The following COLEC11 variants were observed in gnomAD, a reference collection of about 807,000 sequenced individuals.
COLEC11 encodes the protein collectin-11.
Under a neutral mutation model 27.3 loss-of-function variants are expected in COLEC11, and 20 were observed. The ratio of observed to expected loss-of-function variants is 0.73; its 90% CI spans 0.51 to 1.06. The LOEUF is 1.06. Ranked by LOEUF, COLEC11 falls within the 50% of genes least tolerant of loss-of-function variation. COLEC11 has a pLI of 0.00. For missense variants in COLEC11, 310 were observed against 383.0 expected, an observed-to-expected ratio of 0.81 and a Z score of 1.59; for synonymous variants, 163 against 154.7, an observed-to-expected ratio of 1.05 and a Z score of -0.40.
Position 3,616,931 on chromosome 2 carries a change from C to T in COLEC11, c.202+3549C>T, listed in dbSNP as rs983283983. 2.4e-4 allele frequency among the ~76,000 whole-genome samples: 37 copies of T among 152,182 alleles called. 2 individuals are homozygous for T. The highest frequency in any genetic ancestry group is 8.9e-4 in the African/African-American group (37 of 41,438). On this transcript the variant is annotated intron_variant, in intron 3 of 6. Transcript: ENST00000349077. ...TTATATTTCAAGACTGAATAATATT[C>T]CGTTATATATGTGCCATGTTTTCTT...
chr2:3,634,582 A>G (rs1012850219), intron 3 of COLEC11, among the ~76,000 whole-genome samples: 1 of 152,202 alleles, frequency 6.6e-6, no homozygotes, highest in Non-Finnish European at 1.5e-5. Context: ...TGTTTGTTCC[A>G]GTTGCCCTTC....
intron 3 of COLEC11, among the ~76,000 whole-genome samples, chr2:3,628,686 C>T (rs1484232274): frequency 6.6e-6 from 1 of 152,232 alleles, no homozygotes; most frequent in East Asian, 1.9e-4. Flanking sequence ...CAGGCCATGG[C>T]CCAGAGAAAG....
intron 3 of COLEC11, among the ~76,000 whole-genome samples, chr2:3,634,272 C>A (rs150894351): frequency 3.7e-4 from 56 of 152,290 alleles, no homozygotes; most frequent in Non-Finnish European, 6.9e-4. Context: ...GCAGGGACTG[C>A]AGGTTTCTAG....
rs572709304 is a variant in COLEC11, at chr2:3,637,468, T to C, written c.203-65T>C. On this transcript the variant is annotated intron_variant, in intron 3 of 6. Coordinates refer to ENST00000349077, the MANE Select transcript of COLEC11 (RefSeq NM_024027.5). ...GGCGGTCGGGTTATCCGTGCACGTG[T>C]GTGATGGAGGAGGCCACGGTGTCAC... is the stretch of plus-strand genomic sequence containing the variant. 5 of 1,256,418 alleles carry C rather than the reference T, an allele frequency of 4.0e-6. No individual in the cohort carries two copies. In the African/African-American group the frequency reaches 5.9e-5, roughly 15 times the overall value. The allele number at this position is 1,256,418 out of a possible 1,614,324, so 77.8% of individuals were successfully genotyped here. A position where few individuals can be genotyped will look rare whatever the true frequency, so the allele number is the denominator to read the frequency against.
At chr2:3,596,314 G>T (rs1404958928) in intron 1 of COLEC11, among the ~76,000 whole-genome samples, 1 of 150,850 alleles carries the variant, frequency 6.6e-6, no homozygotes, top group East Asian at 1.9e-4. Context: ...CTGAAGCCAT[G>T]ATTTTTTCTC....
chr2:3,600,487 T>G (rs1395438765), intron 1 of COLEC11, among the ~76,000 whole-genome samples: 1 of 152,102 alleles, frequency 6.6e-6, no homozygotes, highest in African/African-American at 2.4e-5. Flanking sequence ...CCCAGGAAAT[T>G]GAGGCTGCAG....
chr2:3,636,478 A>AC lies in COLEC11; in HGVS notation c.203-1052dup, dbSNP rs531523076. ...TCAAAAAAGGAAAGTCCTTCCCACC[A>AC]CCCACTGTCTTGCAGGATTGCCCAC... On this transcript the variant is annotated intron_variant, in intron 3 of 6. Transcript: ENST00000349077. Among the ~76,000 whole-genome samples the AC allele has an allele frequency of 1.1e-3, 170 of 152,250 alleles. 2 individuals are homozygous for AC. The highest frequency in any genetic ancestry group is 4.3e-3 in the Admixed American group (66 of 15,296).
chr2:3,635,878 T>C (rs1020427451), intron 3 of COLEC11, among the ~76,000 whole-genome samples: 8 of 152,354 alleles, frequency 5.3e-5, no homozygotes, highest in South Asian at 4.1e-4. Flanking sequence ...GCCATGTCAT[T>C]TTCATAGCCA....
In COLEC11 at chr2:3,644,522, C is replaced by G. The variant is rs886629407; in HGVS notation, c.*404C>G. On this transcript the variant is annotated 3_prime_UTR_variant, in exon 7 of 7. Transcript: ENST00000349077. ...CTATATGGAAAAGAACTCACTTTGA[C>G]CAACACTTCTGTAAATTACATTACA... is the stretch of plus-strand genomic sequence containing the variant. 1 of 462,052 alleles carries G rather than the reference C, an allele frequency of 2.2e-6. No individual in the cohort carries two copies. The highest frequency in any genetic ancestry group is 2.0e-5 in the African/African-American group (1 of 50,190). 28.6% of individuals were successfully genotyped at this position (462,052 alleles called of 1,614,324 possible).
chr2:3,613,538 C>T (rs1045548945), intron 3 of COLEC11, among the ~76,000 whole-genome samples, 156 bp downstream of exon 3: 1 of 152,026 alleles, frequency 6.6e-6, no homozygotes. Flanking sequence ...GGGTCGGGAG[C>T]AGGGAGGGGA....
Position 3,615,241 on chromosome 2 carries a change from C to A in COLEC11, c.202+1859C>A, listed in dbSNP as rs1379586278. Among the ~76,000 whole-genome samples the A allele has an allele frequency of 4.6e-5, 7 of 152,258 alleles. No individual in the cohort carries two copies. In the South Asian group the frequency reaches 1.2e-3, roughly 27 times the overall value. On this transcript the variant is annotated intron_variant, in intron 3 of 6. Transcript: ENST00000349077. ...AGTGGAGGGAAGGTCAGCAGACAAA[C>A]AAGTGAACAAGGGTCTCTGGTTTTC...
At position 3,631,925 on chromosome 2, in the gene COLEC11, G is replaced by A. The variant is rs958850743; in HGVS notation, c.203-5608G>A. Among the ~76,000 whole-genome samples, 8 of 152,206 alleles carry A rather than the reference G, an allele frequency of 5.3e-5. No individual in the cohort carries two copies. The South Asian group carries it at 1.0e-3, about 20-fold the overall frequency. On this transcript the variant is annotated intron_variant, in intron 3 of 6. Transcript: ENST00000349077. ...GCAGGCTTCCCGCAGTTCCTGGCCC[G>A]TGGAGGGTGGCTTTGGCTGTACCCG... is the stretch of plus-strand genomic sequence containing the variant.
chr2:3,641,472 C>T lies in COLEC11; in HGVS notation c.328+1141C>T, dbSNP rs953715466. Reference sequence around the variant, plus strand: ...GGCAAGGAGAGGGGACGTCCCATCCCGGGGCTGAGCTGCTATCGTCAGGCC... The same window carrying T: ...GGCAAGGAGAGGGGACGTCCCATCCTGGGGCTGAGCTGCTATCGTCAGGCC... On this transcript the variant is annotated intron_variant, in intron 5 of 6. Coordinates refer to ENST00000349077, the MANE Select transcript of COLEC11 (RefSeq NM_024027.5). 29 of 1,228,066 alleles carry T rather than the reference C, an allele frequency of 2.4e-5. No homozygotes were observed. The East Asian group carries it at 5.2e-4, about 22-fold the overall frequency. The allele number at this position is 1,228,066 out of a possible 1,614,324, so 76.1% of individuals were successfully genotyped here.
At chr2:3,631,871 C>T (rs1284451350) in intron 3 of COLEC11, among the ~76,000 whole-genome samples, 1 of 152,214 alleles carries the variant, frequency 6.6e-6, no homozygotes, top group Admixed American at 6.5e-5. Context: ...AATCCTGCGC[C>T]ATGTGTCCAG....
rs1349908685 is a variant in COLEC11 at position 3,644,389 on chromosome 2, TC to T, written c.*273del. On this transcript the variant is annotated 3_prime_UTR_variant, in exon 7 of 7. Coordinates refer to ENST00000349077, the MANE Select transcript of COLEC11 (RefSeq NM_024027.5). ...TGTAATTATTACCCAGAATTGCTCT[TC>T]CATAAAGCTTGTGCCTTTGTCCAAG... is the stretch of plus-strand genomic sequence containing the variant. 1.6e-6 allele frequency: 1 copy of T among 639,742 alleles called. No individual in the cohort carries two copies. Among genetic ancestry groups the T allele is most frequent in the South Asian group, 1.5e-5 (1 of 66,140 alleles). The allele number at this position is 639,742 out of a possible 1,614,324, so 39.6% of individuals were successfully genotyped here. A position where few individuals can be genotyped will look rare whatever the true frequency, so the allele number is the denominator to read the frequency against.
intron 3 of COLEC11, among the ~76,000 whole-genome samples, chr2:3,634,083 C>T (rs567112395): frequency 1.3e-5 from 2 of 152,298 alleles, no homozygotes; most frequent in South Asian, 4.1e-4. Flanking sequence ...TCTCCAAATA[C>T]CAGCACCTTG....
chr2:3,612,360 G>A (rs1663274375), intron 2 of COLEC11, among the ~76,000 whole-genome samples: 1 of 152,120 alleles, frequency 6.6e-6, no homozygotes, highest in Non-Finnish European at 1.5e-5. Flanking sequence ...TGACTACAGA[G>A]CCGAGTCCCA....
chr2:3,609,208 T>C (rs2147870457), intron 2 of COLEC11, among the ~76,000 whole-genome samples: 1 of 152,354 alleles, frequency 6.6e-6, no homozygotes, highest in East Asian at 1.9e-4. Flanking sequence ...TCCTCTTCTT[T>C]AGAAAGTCTT....
chr2:3,620,311 A>G (rs1240992026), intron 3 of COLEC11, among the ~76,000 whole-genome samples: 1 of 151,838 alleles, frequency 6.6e-6, no homozygotes, highest in Non-Finnish European at 1.5e-5. Context: ...GAATTTATCC[A>G]TTTCTTCTAG....
Sources: allele counts gnomAD v4.1 joint callset (sites outside exome capture counted in the v4.1 genomes callset), GRCh38; gene constraint gnomAD v4.1.1; transcripts MANE v1.5; gene names NCBI Gene and HGNC (gene_info 2026-07-23, HGNC 2026-07-21).